The following CATSPERH variants were observed in gnomAD, a reference collection of about 807,000 sequenced individuals.
The protein encoded by CATSPERH is catsper channel auxiliary subunit eta.
the CATSPERH span, chr11:65,088,810 C>G: frequency 6.5e-7 from 1 of 1,535,330 alleles, no homozygotes; most frequent in Non-Finnish European, 8.7e-7. Flanking sequence ...TTCCATCAGC[C>G]CCTCGGGTCT....
At chr11:65,088,791 C>T in the CATSPERH span, 2 of 1,534,968 alleles carry the variant, frequency 1.3e-6, no homozygotes, top group Admixed American at 2.0e-5. Context: ...CCTCGCACAA[C>T]AGTGGGGTTT....
At chr11:65,088,427 C>T in the CATSPERH span, 8 of 1,535,494 alleles carry the variant, frequency 5.2e-6, no homozygotes, top group Non-Finnish European at 6.1e-6. Flanking sequence ...GCTTCCCCCT[C>T]CTTAGCCCTG....
At chr11:65,088,823 C>T in the CATSPERH span, 3 of 1,535,462 alleles carry the variant, frequency 2.0e-6, no homozygotes, top group East Asian at 7.3e-5. Context: ...TCGGGTCTCC[C>T]ACAGCCAGCC....
the CATSPERH span, chr11:65,088,565 G>T: frequency 1.3e-6 from 2 of 1,527,136 alleles, no homozygotes; most frequent in African/African-American, 2.7e-5. Flanking sequence ...ATGAGCCCCA[G>T]TACCCTTCCC....
chr11:65,088,525 T>C, the CATSPERH span: 4 of 1,535,756 alleles, frequency 2.6e-6, no homozygotes, highest in Middle Eastern at 1.7e-4. Context: ...CATGGCTCCG[T>C]TGAGCACTGG....
At chr11:65,088,891 G>T in the CATSPERH span, 5 of 1,535,700 alleles carry the variant, frequency 3.3e-6, no homozygotes, top group African/African-American at 5.5e-5. Context: ...AGCTCATGTG[G>T]TCATAGTGGT....
chr11:65,088,882 G>T, the CATSPERH span: 14 of 1,535,862 alleles, frequency 9.1e-6, no homozygotes, highest in Non-Finnish European at 1.2e-5. Flanking sequence ...TGTAGTGAAA[G>T]CTCATGTGGT....
chr11:65,089,089 C>T, the CATSPERH span: 2 of 1,370,574 alleles, frequency 1.5e-6, no homozygotes. Context: ...AGGCCCTGCC[C>T]AGGAAAAGCA....
the CATSPERH span, chr11:65,088,505 G>C: frequency 6.5e-7 from 1 of 1,536,118 alleles, no homozygotes; most frequent in Non-Finnish European, 8.7e-7. Flanking sequence ...AAGGACAGGC[G>C]GTTGAAGAAC....
At chr11:65,088,782 C>T in the CATSPERH span, 2 of 1,535,472 alleles carry the variant, frequency 1.3e-6, no homozygotes, top group Non-Finnish European at 1.7e-6. Flanking sequence ...GAGTGGCCCC[C>T]TCGCACAACA....
chr11:65,088,661 C>T, the CATSPERH span: 2 of 1,536,372 alleles, frequency 1.3e-6, no homozygotes, highest in East Asian at 2.4e-5. Context: ...TCAGGATGGT[C>T]AGGGCGGAGA....
chr11:65,088,428 C>CTTA, the CATSPERH span: 3 of 1,535,710 alleles, frequency 2.0e-6, no homozygotes, highest in South Asian at 3.6e-5. Context: ...CTTCCCCCTC[C>CTTA]TTAGCCCTGT....
the CATSPERH span, chr11:65,088,719 G>A: frequency 6.5e-7 from 1 of 1,536,200 alleles, no homozygotes; most frequent in Non-Finnish European, 8.7e-7. Context: ...TGACCCCATG[G>A]CAGCCCAGCA....
chr11:65,088,809 C>A, the CATSPERH span: 7 of 1,535,164 alleles, frequency 4.6e-6, no homozygotes, highest in Non-Finnish European at 6.1e-6. Context: ...TTTCCATCAG[C>A]CCCTCGGGTC....
the CATSPERH span, chr11:65,088,441 C>T: frequency 1.5e-5 from 23 of 1,536,092 alleles, no homozygotes; most frequent in Admixed American, 1.6e-4. Context: ...AGCCCTGTTC[C>T]GACTCCCCAG....
chr11:65,088,417 G>C, the CATSPERH span: 27 of 1,530,142 alleles, frequency 1.8e-5, no homozygotes, highest in Non-Finnish European at 3.5e-6. Flanking sequence ...GCAGCCTTTT[G>C]CTTCCCCCTC....
At chr11:65,088,967 G>A in the CATSPERH span, 7 of 1,535,738 alleles carry the variant, frequency 4.6e-6, no homozygotes, top group Non-Finnish European at 5.2e-6. Flanking sequence ...GAGCATCAGC[G>A]CAGCCGTGGT....
chr11:65,088,585 C>T, the CATSPERH span: 2 of 1,524,958 alleles, frequency 1.3e-6, no homozygotes, highest in Non-Finnish European at 1.8e-6. Flanking sequence ...CTGGCTACTC[C>T]TTGCCACATC....
the CATSPERH span, chr11:65,088,404 G>A: frequency 6.7e-5 from 101 of 1,508,540 alleles, no homozygotes; most frequent in East Asian, 2.1e-3. Context: ...TAAAACACCC[G>A]AGGCAGCCTT....
Sources: gnomAD v4.1 joint callset for allele counts on GRCh38, gnomAD v4.1.1 for gene constraint, MANE v1.5 for transcripts, NCBI Gene and HGNC (gene_info 2026-07-23, HGNC 2026-07-21) for gene names.